SECTM1: variants seen among roughly 807,000 people sequenced by gnomAD.
SECTM1 encodes secreted and transmembrane 1.
SECTM1 carries 10 observed loss-of-function variants against 18.1 expected under a neutral mutation model. That is an observed-to-expected ratio of 0.55 (90% CI 0.34 to 0.94). SECTM1 has a LOEUF of 0.94. Among genes scored for constraint, SECTM1 ranks in the 40% least tolerant of loss-of-function variants. SECTM1 has a pLI of 0.02. For missense variants in SECTM1, 297 were observed against 322.6 expected (o/e 0.92, Z 0.61); for synonymous variants, 137 against 139.2 (o/e 0.98, Z 0.11).
Position 82,322,383 on chromosome 17 carries a change from G to A in SECTM1, c.538-13C>T, listed in dbSNP as rs1346494147. On this transcript the variant is annotated splice_polypyrimidine_tract_variant and intron_variant, in intron 4 of 4. Transcript: ENST00000269389. ...GGAAGAACTTCTTCTGCAGGGGGAG[G>A]AAGGAGGTGCCTGTGTGAGCCGCGC... 6.2e-7 allele frequency: 1 copy of A among 1,612,776 alleles called. No homozygotes were observed. Among genetic ancestry groups the A allele is most frequent in the Non-Finnish European group, 8.5e-7 (1 of 1,179,252 alleles).
chr17:82,321,928 G>A lies in SECTM1; in HGVS notation c.*233C>T. On this transcript the variant is annotated 3_prime_UTR_variant, in exon 5 of 5. Transcript: ENST00000269389. ...GAGGGGCATGCGTCCTGGTAAGTCGGGTGCTGCGGAGGTGAGGTGGTTCCA... is the reference window on the plus strand; with the variant it reads ...GAGGGGCATGCGTCCTGGTAAGTCGAGTGCTGCGGAGGTGAGGTGGTTCCA... 2 of 551,800 alleles carry A rather than the reference G, an allele frequency of 3.6e-6. No individual in the cohort carries two copies. The highest frequency in any genetic ancestry group is 1.9e-5 in the African/African-American group (1 of 52,016). 34.2% of individuals were successfully genotyped at this position (551,800 alleles called of 1,614,324 possible).
intron 1 of SECTM1, among the ~76,000 whole-genome samples, chr17:82,332,350 C>T (rs116041580): frequency 6.6e-4 from 101 of 152,292 alleles, no homozygotes; most frequent in African/African-American, 2.3e-3. Flanking sequence ...CCGCCCAGCA[C>T]GCCTGCGCAT....
At chr17:82,332,759 C>T (rs1031293769) in intron 1 of SECTM1, among the ~76,000 whole-genome samples, 2 of 152,210 alleles carry the variant, frequency 1.3e-5, no homozygotes, top group Non-Finnish European at 2.9e-5. Flanking sequence ...CCTTCCTGCT[C>T]AGCACCTGTT....
In SECTM1 at chr17:82,322,195, G is replaced by T. The variant is rs769041249; in HGVS notation, c.713C>A (p.Pro238His). 2.0e-5 allele frequency: 32 copies of T among 1,613,586 alleles called. No individual in the cohort carries two copies. In the African/African-American group the frequency reaches 4.1e-4, roughly 21 times the overall value. The change falls in exon 5 of 5, where the codon CCC becomes CAC. Residue 238 changes from proline to histidine, a missense_variant. By Grantham distance (77) the Pro-to-His change is moderately conservative (BLOSUM62 -2). Transcript: ENST00000269389. ...TGCGGCATATGGAAACAAGGGTTGG[G>T]GGGACAGCAGCTCCAGGGCTCCAAG... is the stretch of plus-strand genomic sequence containing the variant. ...SPLGALELLS[P>H]QPLFPYAADP
intron 1 of SECTM1, among the ~76,000 whole-genome samples, chr17:82,332,343 CCCA>C (rs1486797179): frequency 1.5e-4 from 22 of 149,732 alleles, no homozygotes; most frequent in African/African-American, 5.6e-4. Flanking sequence ...TCACGCACCG[CCCA>C]GCACGCCTGC....
chr17:82,322,439 G>A (rs1415966549), intron 4 of SECTM1, 69 bp from the exon 5 acceptor site: 11 of 1,435,172 alleles, frequency 7.7e-6, no homozygotes, highest in Admixed American at 3.4e-5. Flanking sequence ...GCCCTGGGGC[G>A]TGCGTTCACA....
In SECTM1 at chr17:82,333,729, GATGC is replaced by G. The variant is rs2052213352; in HGVS notation, c.-86_-83del. 1.3e-5 allele frequency: 2 copies of G among 148,954 alleles called. No homozygotes were observed. The highest frequency in any genetic ancestry group is 3.0e-5 in the Non-Finnish European group (2 of 66,814). The allele number at this position is 148,954 out of a possible 1,614,324, so 9.2% of individuals were successfully genotyped here. On this transcript the variant is annotated 5_prime_UTR_variant, in exon 1 of 5. Transcript: ENST00000269389. ...TCCGCTCCTGGACGCGCTCCTCTGG[GATGC>G]AGCTTCTCCGCGCCCCGGAGCCCCA...
chr17:82,333,776 A>G (rs116473040), upstream of SECTM1: 9,255 of 152,542 alleles, frequency 0.061, 379 homozygotes, highest in African/African-American at 0.11. Context: ...GAAAGACACG[A>G]GAGGGAGGGG....
Position 82,330,952 on chromosome 17 carries a change from T to C in SECTM1, c.-53+2748A>G, listed in dbSNP as rs1420845066. Among the ~76,000 whole-genome samples the C allele has an allele frequency of 6.6e-6, 1 of 152,160 alleles. No homozygotes were observed. Among genetic ancestry groups the C allele is most frequent in the Non-Finnish European group, 1.5e-5 (1 of 68,028 alleles). On this transcript the variant is annotated intron_variant, in intron 1 of 4. Coordinates refer to ENST00000269389, the MANE Select transcript of SECTM1 (RefSeq NM_003004.3). This position sits in a 1 kb window ranked among gnomAD's most constrained non-coding sequence, Gnocchi z 6.1. ...CCACCAAGTCCCTTTAGCCCAACTG[T>C]GGTGGCGGCCGCTGCTTCTCACACG...
rs945038000 is a variant in SECTM1, at chr17:82,325,223, C to A, written c.95-333G>T. Reference sequence around the variant, plus strand: ...TCCACTGGGGTGGGTGAAGTCAGAGCCTCAGGTGTGTGCCGGGCGGCTGCG... The same window carrying A: ...TCCACTGGGGTGGGTGAAGTCAGAGACTCAGGTGTGTGCCGGGCGGCTGCG... On this transcript the variant is annotated intron_variant, in intron 2 of 4. Transcript: ENST00000269389. This position sits in a 1 kb window ranked among gnomAD's most constrained non-coding sequence, Gnocchi z 7.6. 2.0e-5 allele frequency among the ~76,000 whole-genome samples: 3 copies of A among 152,208 alleles called. No homozygotes were observed. Among genetic ancestry groups the A allele is most frequent in the Admixed American group, 1.3e-4 (2 of 15,286 alleles).
rs1182922773 is a variant in SECTM1, at chr17:82,328,547, TC to T, written c.-52-1256del. On this transcript the variant is annotated intron_variant, in intron 1 of 4. Coordinates refer to ENST00000269389, the MANE Select transcript of SECTM1 (RefSeq NM_003004.3). The surrounding 1 kb of genome is among the most constrained non-coding windows in gnomAD (Gnocchi z 5.8). ...CTAACCCCAACCCTAACTCAGTCAG[TC>T]CCGCCGGTGGGGTCTGGGCCGATGC... 1 of 152,232 alleles carries T rather than the reference TC, an allele frequency of 6.6e-6. No homozygotes were observed. Among genetic ancestry groups the T allele is most frequent in the African/African-American group, 2.4e-5 (1 of 41,422 alleles). 9.4% of individuals were successfully genotyped at this position (152,232 alleles called of 1,614,324 possible). A position where few individuals can be genotyped will look rare whatever the true frequency, so the allele number is the denominator to read the frequency against.
intron 3 of SECTM1, 119 bp from the exon 4 acceptor site, chr17:82,323,130 A>G: frequency 8.2e-7 from 1 of 1,222,914 alleles, no homozygotes; most frequent in South Asian, 1.5e-5. Context: ...TGAGCCTTGG[A>G]AGACGGCACC....
At chr17:82,324,974 G>A in intron 2 of SECTM1, 84 bp from the exon 3 acceptor site, 1 of 1,376,820 alleles carries the variant, frequency 7.3e-7, no homozygotes, top group Middle Eastern at 2.0e-4. Context: ...CCAGGGCCAG[G>A]GCAGGAGACA....
chr17:82,333,836 A>G (rs1018601697), upstream of SECTM1: 18 of 152,410 alleles, frequency 1.2e-4, no homozygotes, highest in Admixed American at 9.8e-4. Context: ...CAGATGAGGA[A>G]GGAGCTGGGT....
At position 82,325,837 on chromosome 17, in the gene SECTM1, G is replaced by C. The variant is rs1020374560; in HGVS notation, c.95-947C>G. On this transcript the variant is annotated intron_variant, in intron 2 of 4. Transcript: ENST00000269389. The surrounding 1 kb of genome is among the most constrained non-coding windows in gnomAD (Gnocchi z 7.6). ...GACGGACAGACGGACGGCAGGGTGA[G>C]CTCTCGGGGAGCACACAGCATGCTG... is the stretch of plus-strand genomic sequence containing the variant. Among the ~76,000 whole-genome samples the C allele has an allele frequency of 6.6e-6, 1 of 152,246 alleles. No individual in the cohort carries two copies. Among genetic ancestry groups the C allele is most frequent in the East Asian group, 1.9e-4 (1 of 5,204 alleles).
At chr17:82,323,112 G>T in intron 3 of SECTM1, 101 bp from the exon 4 acceptor site, 2 of 1,355,064 alleles carry the variant, frequency 1.5e-6, no homozygotes, top group East Asian at 2.5e-5. Context: ...CACTCCCTGG[G>T]GTGAGAATGA....
intron 4 of SECTM1, 119 bp downstream of exon 4, chr17:82,322,759 G>C (rs964899191): frequency 5.5e-6 from 7 of 1,274,558 alleles, no homozygotes; most frequent in Non-Finnish European, 7.5e-6. Flanking sequence ...TGGGACCGGT[G>C]CTCCCCCCAC....
rs573529974 is a variant in SECTM1 at position 82,327,072 on chromosome 17, C to A, written c.94+75G>T. ...GGTGGCACCTGGACCCAACCTCAGTCCACCCCTCCTGCCCCTGTCATGCCC... is the reference window on the plus strand; with the variant it reads ...GGTGGCACCTGGACCCAACCTCAGTACACCCCTCCTGCCCCTGTCATGCCC... On this transcript the variant is annotated intron_variant, in intron 2 of 4. Transcript: ENST00000269389. 1.0e-4 allele frequency: 121 copies of A among 1,189,944 alleles called. No homozygotes were observed. In the South Asian group the frequency reaches 1.5e-3, roughly 15 times the overall value. The allele number at this position is 1,189,944 out of a possible 1,614,324, so 73.7% of individuals were successfully genotyped here.
At chr17:82,327,979 AGCCTGTCCATCAGCCTCCCCG>A (rs1194421645) in intron 1 of SECTM1, among the ~76,000 whole-genome samples, 8 of 38,742 alleles carry the variant, frequency 2.1e-4, no homozygotes, top group African/African-American at 3.0e-4. Flanking sequence ...CGGCCTCCCC[AGCCTGTCCATCAGCCTCCCCG>A]GCCTGTCCAC....
Sources: gnomAD v4.1 joint callset for allele counts (sites outside exome capture counted in the v4.1 genomes callset) on GRCh38, gnomAD v4.1.1 for gene constraint, Gnocchi (gnomAD v3.1) non-coding constraint, MANE v1.5 for transcripts, NCBI Gene and HGNC (gene_info 2026-07-23, HGNC 2026-07-21) for gene names.